Variants in CARHSP1 observed in about 807,000 individuals in gnomAD.
The protein encoded by CARHSP1 is calcium-regulated heat-stable protein 1.
Under a neutral mutation model 12.5 loss-of-function variants are expected in CARHSP1, and 14 were observed. The observed-to-expected ratio is 1.12, with a 90% CI of 0.74 to 1.75. CARHSP1 has a LOEUF of 1.75. Among genes scored for constraint, CARHSP1 ranks in the 40% most tolerant of loss-of-function variants. CARHSP1 has a pLI of 0.00. For synonymous variants in CARHSP1, 161 were observed against 82.0 expected (o/e 1.96, Z -5.20); for missense variants, 343 against 201.6 (o/e 1.70, Z -4.25).
intron 3 of CARHSP1, among the ~76,000 whole-genome samples, chr16:8,855,681 G>A (rs546095735): frequency 2.4e-4 from 36 of 151,430 alleles, no homozygotes; most frequent in African/African-American, 8.2e-4. Flanking sequence ...GAGAGCCAGA[G>A]AGAAACAAGG....
At chr16:8,861,847 T>C (rs1449938010) in intron 1 of CARHSP1, 1 of 1,191,748 alleles carries the variant, frequency 8.4e-7, no homozygotes, top group East Asian at 5.9e-5. Flanking sequence ...AGGCTGGCCC[T>C]GGGAGGGGAG....
At position 8,853,407 on chromosome 16, in the gene CARHSP1, T is replaced by C. The variant is rs14124; in HGVS notation, c.*1757A>G. On this transcript the variant is annotated 3_prime_UTR_variant, in exon 4 of 4. Coordinates refer to ENST00000311052, the MANE Select transcript of CARHSP1 (RefSeq NM_014316.4). Reference sequence around the variant, plus strand: ...GGAGGGTGAGGATGTACAAGGAGCATCGCAGGCGAGGAAACAATGGCCAGG... The same window carrying C: ...GGAGGGTGAGGATGTACAAGGAGCACCGCAGGCGAGGAAACAATGGCCAGG... 0.02 allele frequency: 2,900 copies of C among 142,894 alleles called. 71 individuals carry two copies. The highest frequency in any genetic ancestry group is 0.057 in the African/African-American group (2,125 of 37,460). The allele number at this position is 142,894 out of a possible 1,614,324, so 8.9% of individuals were successfully genotyped here.
chr16:8,864,041 T>C (rs1419985669), intron 1 of CARHSP1, among the ~76,000 whole-genome samples: 1 of 152,160 alleles, frequency 6.6e-6, no homozygotes, highest in East Asian at 1.9e-4. Context: ...GATCCGCCAC[T>C]CAGATGAGCT....
In CARHSP1 at chr16:8,858,644, C is replaced by T. The variant is rs1312491265; in HGVS notation, c.159-172G>A. 5.9e-5 allele frequency: 45 copies of T among 767,174 alleles called. 1 individual carries two copies. The highest frequency in any genetic ancestry group is 7.8e-5 in the Non-Finnish European group (39 of 500,614). The allele number at this position is 767,174 out of a possible 1,614,324, so 47.5% of individuals were successfully genotyped here. Reference sequence around the variant, plus strand: ...CAACCCTGGGAGCCGCTCACAAAGACGCTGGGGGAAAGGACTCTTTGGATG... The same window carrying T: ...CAACCCTGGGAGCCGCTCACAAAGATGCTGGGGGAAAGGACTCTTTGGATG... On this transcript the variant is annotated intron_variant, in intron 2 of 3. Coordinates refer to ENST00000311052, the MANE Select transcript of CARHSP1 (RefSeq NM_014316.4).
At position 8,859,179 on chromosome 16, in the gene CARHSP1, G is replaced by C. The variant is rs758440108; in HGVS notation, c.150C>G (p.Thr50=). The change falls in exon 2 of 4, where the codon ACC becomes ACG. Residue 50 remains threonine, a synonymous_variant. Transcript: ENST00000311052. ...GCCTGCTCCAGACTCACGCCGAGAA[G>C]GTCCTCGTCCGGCGAGTGGGCAGTG... is the stretch of plus-strand genomic sequence containing the variant. ...PSPLPTRRTR[T]FSATVRASQG... is the part of the protein sequence containing the mutation. 1.9e-5 allele frequency: 31 copies of C among 1,599,982 alleles called. No homozygotes were observed. In the South Asian group the frequency reaches 2.2e-4, roughly 12 times the overall value.
At position 8,863,372 on chromosome 16, in the gene CARHSP1, C is replaced by G. The variant is rs1336735397; in HGVS notation, c.-7-4037G>C. On this transcript the variant is annotated intron_variant, in intron 1 of 3. Coordinates refer to ENST00000311052, the MANE Select transcript of CARHSP1 (RefSeq NM_014316.4). The stretch of plus-strand genomic sequence containing the variant: ...AAGCGATCGGCGCACCTTGGCTTCC[C>G]AAAGTGCTGGGATTACAGGCGTGAG... 3.3e-5 allele frequency among the ~76,000 whole-genome samples: 5 copies of G among 152,254 alleles called. No homozygotes were observed. The East Asian group carries it at 7.7e-4, about 24-fold the overall frequency.
chr16:8,858,548 C>G, intron 2 of CARHSP1, 76 bp from the exon 3 acceptor site: 1 of 1,556,140 alleles, frequency 6.4e-7, no homozygotes, highest in Non-Finnish European at 8.7e-7. Flanking sequence ...CCCCTGCCCA[C>G]AGCTGTGCCC....
chr16:8,866,076 C>A (rs1242720393), intron 1 of CARHSP1, among the ~76,000 whole-genome samples: 1 of 152,172 alleles, frequency 6.6e-6, no homozygotes, highest in African/African-American at 2.4e-5. Flanking sequence ...ACTTCAGCCT[C>A]CCAAGTAGCT....
intron 1 of CARHSP1, chr16:8,861,797 T>TA (rs2061363761): frequency 2.4e-6 from 3 of 1,245,332 alleles, no homozygotes; most frequent in East Asian, 5.6e-5. Flanking sequence ...GCACAGGTCA[T>TA]AGAGTCCTAG....
At chr16:8,858,059 A>G (rs538219807) in intron 3 of CARHSP1, 17 of 396,324 alleles carry the variant, frequency 4.3e-5, no homozygotes, top group Admixed American at 1.7e-4. Context: ...CACCACGCCC[A>G]GCACACACAA....
At chr16:8,858,647 T>G in intron 2 of CARHSP1, 175 bp from the exon 3 acceptor site, 1 of 743,626 alleles carries the variant, frequency 1.3e-6, no homozygotes, top group Non-Finnish European at 2.1e-6. Context: ...ACAAAGACGC[T>G]GGGGGAAAGG....
At chr16:8,862,670 T>C (rs1354506163) in intron 1 of CARHSP1, among the ~76,000 whole-genome samples, 6 of 151,850 alleles carry the variant, frequency 4.0e-5, no homozygotes, top group African/African-American at 7.3e-5. Context: ...GTTCCAGGTA[T>C]AGGGAACAGC....
intron 2 of CARHSP1, 189 bp downstream of exon 2, chr16:8,858,982 G>C: frequency 1.9e-6 from 1 of 529,330 alleles, no homozygotes; most frequent in Non-Finnish European, 3.3e-6. Context: ...AGGTTCTTCT[G>C]GGCTGGGCAG....
rs1315960023 is a variant in CARHSP1 at position 8,857,263 on chromosome 16, G to GTTTTTTGTTTTTTGTTTTTTTTTTTTTT, written c.281+1086_281+1087insAAAAAAAAAAAAAACAAAAAACAAAAAA. Among the ~76,000 whole-genome samples, 10 of 57,036 alleles carry GTTTTTTGTTTTTTGTTTTTTTTTTTTTT rather than the reference G, an allele frequency of 1.8e-4. 1 individual carries two copies. The highest frequency in any genetic ancestry group is 8.9e-4 in the East Asian group (1 of 1,120). The allele number at this position is 57,036 out of a possible 152,430, so 37.4% of individuals were successfully genotyped here. ...TGGCTATGTGATCTTGGGCAGATCT[G>GTTTTTTGTTTTTTGTTTTTTTTTTTTTT]TTTTTTTTTTTTTTTTTTTTTTTTT... On this transcript the variant is annotated intron_variant, in intron 3 of 3. Transcript: ENST00000311052.
chr16:8,858,157 C>A (rs188119398), intron 3 of CARHSP1, 193 bp downstream of exon 3: 2 of 645,688 alleles, frequency 3.1e-6, no homozygotes, highest in South Asian at 1.9e-5. Flanking sequence ...AACACAGCTC[C>A]GTAGAGTCTC....
intron 1 of CARHSP1, chr16:8,861,751 C>T (rs1405518100): frequency 2.1e-5 from 27 of 1,285,068 alleles, no homozygotes; most frequent in Non-Finnish European, 2.7e-5. Flanking sequence ...GCCCCAGCTG[C>T]TGGCCTGGGG....
chr16:8,861,648 G>C, intron 1 of CARHSP1: 1 of 1,289,122 alleles, frequency 7.8e-7, no homozygotes. Flanking sequence ...TTGCCTTCTG[G>C]AGGAGGTGGC....
intron 2 of CARHSP1, chr16:8,858,784 C>T: frequency 2.3e-6 from 1 of 439,444 alleles, no homozygotes; most frequent in Non-Finnish European, 4.1e-6. Flanking sequence ...CACAAGCATC[C>T]TCCACTCGCA....
At chr16:8,859,455 AC>A in intron 1 of CARHSP1, 120 bp from the exon 2 acceptor site, 1 of 863,096 alleles carries the variant, frequency 1.2e-6, no homozygotes, top group Non-Finnish European at 1.7e-6. Context: ...GCACCTCAGC[AC>A]CATTGTCACC....
Sources: allele counts gnomAD v4.1 joint callset (sites outside exome capture counted in the v4.1 genomes callset), GRCh38; gene constraint gnomAD v4.1.1; transcripts MANE v1.5; gene names NCBI Gene and HGNC (gene_info 2026-07-23, HGNC 2026-07-21).